TAFA5: variants seen among roughly 807,000 people sequenced by gnomAD.
The protein encoded by TAFA5 is chemokine-like protein TAFA-5.
Under a neutral mutation model 15.3 loss-of-function variants are expected in TAFA5, and 6 were observed. The ratio of observed to expected loss-of-function variants is 0.39; its 90% CI spans 0.21 to 0.77. TAFA5 has a LOEUF of 0.77. TAFA5 is among the 30% of genes least tolerant of loss of function. The pLI is 0.41. For synonymous variants in TAFA5, 103 were observed against 80.7 expected, an observed-to-expected ratio of 1.28 and a Z score of -1.48; for missense variants, 161 against 193.1, an observed-to-expected ratio of 0.83 and a Z score of 0.98.
rs762204683 is a variant in TAFA5 at position 48,530,173 on chromosome 22, G to T, written c.112+40469G>T. ...CTCCATGGCGACTCGAGGAGGAGGAGGCTGGGCCTGCATCACCTCCATTTT... is the reference window on the plus strand; with the variant it reads ...CTCCATGGCGACTCGAGGAGGAGGATGCTGGGCCTGCATCACCTCCATTTT... On this transcript the variant is annotated intron_variant, in intron 1 of 3. Coordinates refer to ENST00000402357, the MANE Select transcript of TAFA5 (RefSeq NM_001082967.3). This position sits in a 1 kb window ranked among gnomAD's most constrained non-coding sequence, Gnocchi z 6.0. Among the ~76,000 whole-genome samples, 4 of 152,146 alleles carry T rather than the reference G, an allele frequency of 2.6e-5. No homozygotes were observed. Among genetic ancestry groups the T allele is most frequent in the Admixed American group, 6.5e-5 (1 of 15,288 alleles).
At chr22:48,613,969 C>T (rs776482588) in intron 1 of TAFA5, among the ~76,000 whole-genome samples, 1 of 152,252 alleles carries the variant, frequency 6.6e-6, no homozygotes, top group African/African-American at 2.4e-5. Context: ...CTCGCGGCCC[C>T]TGCGAGATGG....
At chr22:48,584,226 C>G (rs748684580) in intron 1 of TAFA5, among the ~76,000 whole-genome samples, 13 of 149,266 alleles carry the variant, frequency 8.7e-5, no homozygotes, top group Non-Finnish European at 1.6e-4. Context: ...ACCACATACA[C>G]CACACACATT....
intron 1 of TAFA5, among the ~76,000 whole-genome samples, chr22:48,520,825 G>T (rs1028183773): frequency 6.6e-6 from 1 of 152,114 alleles, no homozygotes; most frequent in African/African-American, 2.4e-5. Flanking sequence ...CTGGAAGGTC[G>T]GGAAAAGCCC....
At chr22:48,723,572 G>A (rs1397027913) in intron 3 of TAFA5, among the ~76,000 whole-genome samples, 1 of 152,210 alleles carries the variant, frequency 6.6e-6, no homozygotes, top group Non-Finnish European at 1.5e-5. Context: ...TTCCAGGGAT[G>A]CGGCCATTGT....
rs143418837 is a variant in TAFA5 at position 48,625,592 on chromosome 22, G to A, written c.113-21005G>A. Among the ~76,000 whole-genome samples the A allele has an allele frequency of 9.2e-5, 14 of 152,286 alleles. 1 individual carries two copies. The highest frequency in any genetic ancestry group is 6.2e-4 in the South Asian group (3 of 4,822). ...CCTCACCCCTTTCCAGAATCACACCGGGGAGCTCCTTTTCTCCCCAGCTCC... is the reference window on the plus strand; with the variant it reads ...CCTCACCCCTTTCCAGAATCACACCAGGGAGCTCCTTTTCTCCCCAGCTCC... On this transcript the variant is annotated intron_variant, in intron 1 of 3. Coordinates refer to ENST00000402357, the MANE Select transcript of TAFA5 (RefSeq NM_001082967.3).
At chr22:48,626,888 T>A (rs1337567521) in intron 1 of TAFA5, among the ~76,000 whole-genome samples, 1 of 152,226 alleles carries the variant, frequency 6.6e-6, no homozygotes, top group Admixed American at 6.5e-5. Context: ...GGCGTTTAGA[T>A]ACCATTTTTC....
At chr22:48,501,663 G>A (rs142160250) in intron 1 of TAFA5, among the ~76,000 whole-genome samples, 21 of 152,348 alleles carry the variant, frequency 1.4e-4, no homozygotes, top group Non-Finnish European at 2.6e-4. Flanking sequence ...CTGATGGGAT[G>A]CAGTAATGGG....
chr22:48,706,311 C>T lies in TAFA5; in HGVS notation c.263-1406C>T, dbSNP rs529146989. 1.8e-4 allele frequency among the ~76,000 whole-genome samples: 28 copies of T among 152,292 alleles called. No homozygotes were observed. In the East Asian group the frequency reaches 5.0e-3, roughly 27 times the overall value. Reference sequence around the variant, plus strand: ...ATGAGTTCCAAGCCTCTATTCGGAACAGTGAGGACCCCGAGGAACTCGGAA... The same window carrying T: ...ATGAGTTCCAAGCCTCTATTCGGAATAGTGAGGACCCCGAGGAACTCGGAA... On this transcript the variant is annotated intron_variant, in intron 2 of 3. Transcript: ENST00000402357.
chr22:48,625,793 C>T (rs1926007351), intron 1 of TAFA5, among the ~76,000 whole-genome samples: 1 of 152,222 alleles, frequency 6.6e-6, no homozygotes, highest in Non-Finnish European at 1.5e-5. Flanking sequence ...TTCACCATCA[C>T]AGCATCCTAC....
chr22:48,636,509 CACTTA>C (rs561931829), intron 1 of TAFA5, among the ~76,000 whole-genome samples: 72 of 152,356 alleles, frequency 4.7e-4, no homozygotes, highest in Admixed American at 1.6e-3. Context: ...AAACATTAGG[CACTTA>C]ACTTATGAGT....
chr22:48,618,933 G>A (rs1352660148), intron 1 of TAFA5, among the ~76,000 whole-genome samples: 1 of 152,194 alleles, frequency 6.6e-6, no homozygotes, highest in Non-Finnish European at 1.5e-5. Flanking sequence ...GTGGAGTCCT[G>A]GGTTCTAGAA....
chr22:48,557,029 A>G (rs1031414067), intron 1 of TAFA5, among the ~76,000 whole-genome samples: 2 of 152,156 alleles, frequency 1.3e-5, no homozygotes, highest in Non-Finnish European at 2.9e-5. Context: ...CGTGGTCACC[A>G]GGGGCACCCA....
At chr22:48,549,557 A>C (rs1922790444) in intron 1 of TAFA5, among the ~76,000 whole-genome samples, 1 of 152,240 alleles carries the variant, frequency 6.6e-6, no homozygotes. Context: ...AATACCAAGC[A>C]GGATGCAGGG....
rs185516414 is a variant in TAFA5, at chr22:48,712,351, C to T, written c.390+4507C>T. On this transcript the variant is annotated intron_variant, in intron 3 of 3. Transcript: ENST00000402357. ...GGATTACAGGCGTGAGCCACCGTGCCGGCCCAAGATCACTGCTTTTGAAAG... is the reference window on the plus strand; with the variant it reads ...GGATTACAGGCGTGAGCCACCGTGCTGGCCCAAGATCACTGCTTTTGAAAG... Among the ~76,000 whole-genome samples, 32 of 152,334 alleles carry T rather than the reference C, an allele frequency of 2.1e-4. No individual in the cohort carries two copies. The East Asian group carries it at 3.7e-3, about 17-fold the overall frequency.
At chr22:48,539,664 G>A (rs1922292019) in intron 1 of TAFA5, among the ~76,000 whole-genome samples, 1 of 152,322 alleles carries the variant, frequency 6.6e-6, no homozygotes, top group South Asian at 2.1e-4. Flanking sequence ...CTGCCCACGG[G>A]AACAGAGCCT....
At chr22:48,614,163 G>A (rs1391601313) in intron 1 of TAFA5, among the ~76,000 whole-genome samples, 1 of 152,190 alleles carries the variant, frequency 6.6e-6, no homozygotes, top group Non-Finnish European at 1.5e-5. Flanking sequence ...GGGCCCCCAG[G>A]CGCCCTCTCC....
chr22:48,700,388 G>A (rs1337590947), intron 2 of TAFA5, among the ~76,000 whole-genome samples: 2 of 152,214 alleles, frequency 1.3e-5, no homozygotes, highest in African/African-American at 4.8e-5. Flanking sequence ...GCCGGGGAGA[G>A]TGTACCCAGG....
intron 1 of TAFA5, among the ~76,000 whole-genome samples, chr22:48,513,347 C>T (rs1026567386): frequency 2.6e-5 from 4 of 152,332 alleles, no homozygotes; most frequent in Non-Finnish European, 2.9e-5. Flanking sequence ...TGCTTCAAGC[C>T]TCAGTTTCCA....
At chr22:48,730,787 AC>A (rs1259726490) in intron 3 of TAFA5, among the ~76,000 whole-genome samples, 3 of 152,140 alleles carry the variant, frequency 2.0e-5, no homozygotes, top group Non-Finnish European at 2.9e-5. Flanking sequence ...AGCTCCACTG[AC>A]CGGCCAGTCC....
Sources: gnomAD v4.1 joint callset for allele counts (sites outside exome capture counted in the v4.1 genomes callset) on GRCh38, gnomAD v4.1.1 for gene constraint, Gnocchi (gnomAD v3.1) non-coding constraint, MANE v1.5 for transcripts, NCBI Gene and HGNC (gene_info 2026-07-23, HGNC 2026-07-21) for gene names.